Variants in ZDHHC11B observed in about 807,000 individuals in gnomAD.
ZDHHC11B encodes zDHHC palmitoyltransferase 11B (putative), also known as probable palmitoyltransferase ZDHHC11B.
ZDHHC11B carries 17 observed loss-of-function variants against 42.3 expected under a neutral mutation model. The observed-to-expected ratio is 0.40, with a 90% CI of 0.27 to 0.60. The LOEUF (loss-of-function observed/expected upper bound fraction) is 0.60. Ranked by LOEUF, ZDHHC11B falls within the 20% of genes least tolerant of loss-of-function variation. The pLI, the probability that ZDHHC11B is intolerant of heterozygous loss-of-function variation, is 0.41. For missense variants in ZDHHC11B, 262 were observed against 463.2 expected, an observed-to-expected ratio of 0.57 and a Z score of 3.99; for synonymous variants, 123 against 193.5, an observed-to-expected ratio of 0.64 and a Z score of 3.02.
rs1465275720 is a variant in ZDHHC11B, at chr5:736,840, A to C, written c.936-3001T>G. Among the ~76,000 whole-genome samples, 2 of 129,862 alleles carry C rather than the reference A, an allele frequency of 1.5e-5. 1 individual carries two copies. The highest frequency in any genetic ancestry group is 4.8e-4 in the East Asian group (2 of 4,188). 85.2% of individuals were successfully genotyped at this position (129,862 alleles called of 152,430 possible). On this transcript the variant is annotated intron_variant, in intron 10 of 13. Coordinates refer to ENST00000508859, the MANE Select transcript of ZDHHC11B (RefSeq NM_001351303.2). ...TGATGTTTAAAGGAATGTTCACAGC[A>C]TTAAATGGCCACATCAAAAAGACTG...
At chr5:729,976 C>G (rs1467356302) in intron 12 of ZDHHC11B, among the ~76,000 whole-genome samples, 3 of 150,806 alleles carry the variant, frequency 2.0e-5, no homozygotes, top group Non-Finnish European at 3.0e-5. Context: ...TCATGGTCCT[C>G]TTTATAAGGG....
intron 4 of ZDHHC11B, among the ~76,000 whole-genome samples, chr5:764,607 G>A (rs1242179295): frequency 6.6e-6 from 1 of 151,932 alleles, no homozygotes; most frequent in Non-Finnish European, 1.5e-5. Context: ...GCGGGGCAGG[G>A]CTCAGGACCT....
At chr5:764,669 G>A (rs1442861965) in intron 4 of ZDHHC11B, among the ~76,000 whole-genome samples, 1 of 151,994 alleles carries the variant, frequency 6.6e-6, no homozygotes, top group East Asian at 1.9e-4. Flanking sequence ...TGCGCAGCCC[G>A]AGCCTCCCCA....
intron 11 of ZDHHC11B, 149 bp downstream of exon 11, chr5:733,603 A>T (rs1743231979): frequency 4.3e-6 from 3 of 696,304 alleles, no homozygotes; most frequent in Non-Finnish European, 4.8e-6. Flanking sequence ...TCTGTGCTCC[A>T]CCCACCATCA....
chr5:739,289 T>C (rs1743893057), intron 10 of ZDHHC11B, among the ~76,000 whole-genome samples: 1 of 150,854 alleles, frequency 6.6e-6, no homozygotes, highest in African/African-American at 2.5e-5. Context: ...TCCCAGGTAC[T>C]TGGGAGCCTG....
intron 4 of ZDHHC11B, among the ~76,000 whole-genome samples, chr5:759,657 A>G (rs1734328418): frequency 6.6e-6 from 1 of 151,906 alleles, no homozygotes; most frequent in Non-Finnish European, 1.5e-5. Context: ...CATGCTCTGG[A>G]AGGGCCCATA....
chr5:726,200 C>A lies in ZDHHC11B; in HGVS notation c.1058+4234G>T, dbSNP rs1271036148. ...GATTAGCAACATCACACCTCACAGG[C>A]TCTTAGTGAATGGACTTTCCCCGTG... On this transcript the variant is annotated intron_variant, in intron 12 of 13. Transcript: ENST00000508859. 2.0e-5 allele frequency among the ~76,000 whole-genome samples: 3 copies of A among 151,640 alleles called. No homozygotes were observed. The East Asian group carries it at 5.8e-4, about 29-fold the overall frequency.
Position 745,806 on chromosome 5 carries a change from C to A in ZDHHC11B, c.785-508G>T, listed in dbSNP as rs1744736980. Among the ~76,000 whole-genome samples the A allele has an allele frequency of 2.0e-5, 3 of 149,868 alleles. 1 individual carries two copies. The South Asian group carries it at 6.7e-4, about 33-fold the overall frequency. On this transcript the variant is annotated intron_variant, in intron 8 of 13. Coordinates refer to ENST00000508859, the MANE Select transcript of ZDHHC11B (RefSeq NM_001351303.2). ...GCACAGAGACCCCACAGTCGGAGGA[C>A]CACGCAGTGGGGCGACCACCCCGAG...
At chr5:771,296 C>T (rs1334488604) in intron 1 of ZDHHC11B, among the ~76,000 whole-genome samples, 1 of 151,726 alleles carries the variant, frequency 6.6e-6, no homozygotes, top group Non-Finnish European at 1.5e-5. Flanking sequence ...CCCAAAACAG[C>T]CGGAAAAAAA....
At chr5:745,125 G>C (rs1416107357) in intron 9 of ZDHHC11B, 58 bp downstream of exon 9, 1 of 1,250,300 alleles carries the variant, frequency 8.0e-7, no homozygotes, top group East Asian at 2.5e-5. Context: ...CCCAACCACC[G>C]AGTGACCTTA....
intron 1 of ZDHHC11B, among the ~76,000 whole-genome samples, chr5:773,775 G>A (rs180740071): frequency 9.2e-5 from 14 of 151,638 alleles, no homozygotes; most frequent in Admixed American, 3.9e-4. Flanking sequence ...CCCCACTTGC[G>A]CCCCAACCCC....
At chr5:736,908 C>T (rs1434576781) in intron 10 of ZDHHC11B, among the ~76,000 whole-genome samples, 2 of 129,620 alleles carry the variant, frequency 1.5e-5, no homozygotes, top group African/African-American at 5.7e-5. Flanking sequence ...CTGAAGTAAC[C>T]AGAGAAACAA....
intron 12 of ZDHHC11B, among the ~76,000 whole-genome samples, chr5:724,717 C>G (rs534132529): frequency 6.6e-6 from 1 of 151,070 alleles, no homozygotes; most frequent in Non-Finnish European, 1.5e-5. Context: ...TATTTATTCC[C>G]CACCTGTCTC....
intron 10 of ZDHHC11B, among the ~76,000 whole-genome samples, chr5:735,711 A>G (rs1743437450): frequency 6.7e-6 from 1 of 148,426 alleles, no homozygotes; most frequent in African/African-American, 2.5e-5. Context: ...GTATTCAGCA[A>G]AACTATGTTT....
chr5:747,357 C>A (rs1283618743), intron 8 of ZDHHC11B: 1 of 142,630 alleles, frequency 7.0e-6, no homozygotes, highest in Non-Finnish European at 1.5e-5. Context: ...ACATTCAGCT[C>A]TGTGTCCGTA....
At chr5:753,702 A>C (rs1292825629) in intron 6 of ZDHHC11B, among the ~76,000 whole-genome samples, 2 of 148,242 alleles carry the variant, frequency 1.3e-5, no homozygotes, top group Non-Finnish European at 3.0e-5. Flanking sequence ...CTACCATCTC[A>C]CGCAGCCTCT....
At chr5:727,654 A>C (rs1742692428) in intron 12 of ZDHHC11B, among the ~76,000 whole-genome samples, 1 of 143,196 alleles carries the variant, frequency 7.0e-6, no homozygotes, top group African/African-American at 2.6e-5. Context: ...TCTAGTGCTT[A>C]TGGCAAGCAC....
In ZDHHC11B at chr5:756,204, G is replaced by T. The variant is rs116941185; in HGVS notation, c.223-60C>A. ...GGTCAGCCTGGCATGAGGCGTCCCC[G>T]TGAGGCCCAAGGTCCCAGAAGAGGC... On this transcript the variant is annotated intron_variant, in intron 4 of 13. Transcript: ENST00000508859. 9,207 of 1,486,868 alleles carry T rather than the reference G, an allele frequency of 6.2e-3. 4 individuals are homozygous for T. The East Asian group carries it at 0.14, about 23-fold the overall frequency. The allele number at this position is 1,486,868 out of a possible 1,614,324, so 92.1% of individuals were successfully genotyped here.
chr5:718,236 T>C (rs1447053995), intron 12 of ZDHHC11B, among the ~76,000 whole-genome samples: 1 of 151,808 alleles, frequency 6.6e-6, no homozygotes, highest in Non-Finnish European at 1.5e-5. Context: ...AGAGGAAGTT[T>C]ACCTAAGGAC....
Sources: allele counts gnomAD v4.1 joint callset (sites outside exome capture counted in the v4.1 genomes callset), GRCh38; gene constraint gnomAD v4.1.1; transcripts MANE v1.5; gene names NCBI Gene and HGNC (gene_info 2026-07-23, HGNC 2026-07-21).